INPP4B: variants seen among roughly 807,000 people sequenced by gnomAD.
INPP4B encodes inositol polyphosphate-4-phosphatase type II B.
Under a neutral mutation model 122.5 loss-of-function variants are expected in INPP4B, and 55 were observed. That is an observed-to-expected ratio of 0.45 (90% CI 0.36 to 0.56). The LOEUF (loss-of-function observed/expected upper bound fraction) is 0.56, where lower values mean the gene tolerates loss of function less well. Ranked by LOEUF, INPP4B falls within the 20% of genes least tolerant of loss-of-function variation. The pLI, the probability that INPP4B is intolerant of heterozygous loss-of-function variation, is 0.00. For missense variants in INPP4B, 1,000 were observed against 1,097.7 expected, an observed-to-expected ratio of 0.91 and a Z score of 1.26; for synonymous variants, 403 against 388.7, an observed-to-expected ratio of 1.04 and a Z score of -0.43.
At chr4:142,132,458 T>C (rs1801803627) in intron 18 of INPP4B, among the ~76,000 whole-genome samples, 1 of 152,180 alleles carries the variant, frequency 6.6e-6, no homozygotes, top group African/African-American at 2.4e-5. Flanking sequence ...ACGCAGTCAA[T>C]ATTTTTTTTT....
At chr4:142,694,471 A>C (rs953132451) in intron 2 of INPP4B, among the ~76,000 whole-genome samples, 4 of 152,152 alleles carry the variant, frequency 2.6e-5, no homozygotes, top group African/African-American at 9.6e-5. Flanking sequence ...AATAAAGCTA[A>C]TTTTAAAATT....
At chr4:142,708,425 C>T (rs1052067607) in intron 2 of INPP4B, among the ~76,000 whole-genome samples, 84 of 152,276 alleles carry the variant, frequency 5.5e-4, no homozygotes, top group African/African-American at 1.9e-3. Context: ...AAGGCAGCCT[C>T]TCCCATCACA....
At chr4:142,439,823 C>G (rs1426361151) in intron 3 of INPP4B, among the ~76,000 whole-genome samples, 1 of 152,182 alleles carries the variant, frequency 6.6e-6, no homozygotes, top group Non-Finnish European at 1.5e-5. Context: ...ACATTCCATT[C>G]TATCATCCTC....
At chr4:142,796,162 A>G (rs1304881534) in intron 1 of INPP4B, among the ~76,000 whole-genome samples, 1 of 152,004 alleles carries the variant, frequency 6.6e-6, no homozygotes, top group African/African-American at 2.4e-5. Flanking sequence ...AGGACATTTA[A>G]ACATGCTTAA....
intron 17 of INPP4B, among the ~76,000 whole-genome samples, chr4:142,150,286 G>A (rs1282189166): frequency 6.6e-6 from 1 of 152,170 alleles, no homozygotes; most frequent in Admixed American, 6.5e-5. Context: ...TAAGAATGTG[G>A]CTGCAGTATG....
At chr4:142,321,745 G>C (rs1005786684) in intron 7 of INPP4B, among the ~76,000 whole-genome samples, 5 of 152,064 alleles carry the variant, frequency 3.3e-5, no homozygotes, top group African/African-American at 9.7e-5. Context: ...TCAGTTGGCT[G>C]TAAGTATTTG....
chr4:142,658,880 A>G (rs1473720271), intron 2 of INPP4B, among the ~76,000 whole-genome samples: 1 of 152,172 alleles, frequency 6.6e-6, no homozygotes, highest in Non-Finnish European at 1.5e-5. Context: ...TTAAGAGGAC[A>G]GAAGCACCCA....
At chr4:142,118,132 C>T (rs1290971991) in intron 21 of INPP4B, among the ~76,000 whole-genome samples, 11 of 151,974 alleles carry the variant, frequency 7.2e-5, no homozygotes, top group South Asian at 2.1e-4. Context: ...CACTGCTCAA[C>T]GAAATAAAAG....
At chr4:142,373,162 G>A (rs984693928) in intron 7 of INPP4B, among the ~76,000 whole-genome samples, 10 of 152,104 alleles carry the variant, frequency 6.6e-5, no homozygotes, top group African/African-American at 1.9e-4. Context: ...TCTGATTGAA[G>A]AGCCAAGTCC....
chr4:142,238,748 T>C (rs1857776863), intron 11 of INPP4B, among the ~76,000 whole-genome samples: 1 of 152,028 alleles, frequency 6.6e-6, no homozygotes, highest in Non-Finnish European at 1.5e-5. Context: ...TTAAAAAACT[T>C]CAGAAAAAGC....
At chr4:142,162,852 C>G (rs1221052948) in intron 16 of INPP4B, among the ~76,000 whole-genome samples, 2 of 151,900 alleles carry the variant, frequency 1.3e-5, no homozygotes, top group East Asian at 3.9e-4. Flanking sequence ...GCTAATCTTT[C>G]ACTTTGTGTC....
At chr4:142,468,108 C>T (rs918772302) in intron 2 of INPP4B, 5 of 152,220 alleles carry the variant, frequency 3.3e-5, no homozygotes, top group East Asian at 1.9e-4. Flanking sequence ...TACCCAGCTC[C>T]GAGTATTTCT....
At chr4:142,537,429 T>TATATATATATATATAG (rs1200701380) in intron 2 of INPP4B, among the ~76,000 whole-genome samples, 53 of 25,478 alleles carry the variant, frequency 2.1e-3, no homozygotes, top group Non-Finnish European at 3.7e-3. Context: ...TATATATATA[T>TATATATATATATATAG]AGAGAGAGAG....
Position 142,527,109 on chromosome 4 carries a change from C to T in INPP4B, c.-190-64383G>A, listed in dbSNP as rs567853014. On this transcript the variant is annotated intron_variant, in intron 2 of 25. Transcript: ENST00000262992. ...TTTAAAATATGCCCAATATGAAATT[C>T]GACTGCATGAAAGACAAAACAGCTA... is the stretch of plus-strand genomic sequence containing the variant. Among the ~76,000 whole-genome samples, 8 of 151,778 alleles carry T rather than the reference C, an allele frequency of 5.3e-5. No homozygotes were observed. In the South Asian group the frequency reaches 1.0e-3, roughly 20 times the overall value.
intron 1 of INPP4B, among the ~76,000 whole-genome samples, chr4:142,739,216 T>C (rs994035921): frequency 2.0e-5 from 3 of 152,132 alleles, no homozygotes; most frequent in African/African-American, 7.2e-5. Flanking sequence ...TAAGTGCTTA[T>C]CACTGTTTTA....
chr4:142,826,010 C>T (rs933946119), intron 1 of INPP4B, among the ~76,000 whole-genome samples: 1 of 152,044 alleles, frequency 6.6e-6, no homozygotes, highest in East Asian at 1.9e-4. Context: ...TTTATATGCC[C>T]TGTTCTAAAC....
intron 3 of INPP4B, among the ~76,000 whole-genome samples, chr4:142,437,510 A>G (rs1810798225): frequency 6.6e-6 from 1 of 152,164 alleles, no homozygotes; most frequent in Non-Finnish European, 1.5e-5. Context: ...AGCCAAAAAG[A>G]AAGGCCAGGT....
intron 2 of INPP4B, among the ~76,000 whole-genome samples, chr4:142,529,666 A>C (rs564148185): frequency 6.6e-6 from 1 of 152,170 alleles, no homozygotes; most frequent in Non-Finnish European, 1.5e-5. Context: ...GGGGTCTTCA[A>C]CAAATATTAA....
intron 25 of INPP4B, among the ~76,000 whole-genome samples, chr4:142,044,288 C>T (rs1750036538): frequency 6.6e-6 from 1 of 152,018 alleles, no homozygotes; most frequent in Non-Finnish European, 1.5e-5. Context: ...ATACATCACA[C>T]AGACAAGGGT....
Sources: allele counts gnomAD v4.1 joint callset (sites outside exome capture counted in the v4.1 genomes callset), GRCh38; gene constraint gnomAD v4.1.1; transcripts MANE v1.5; gene names NCBI Gene and HGNC (gene_info 2026-07-23, HGNC 2026-07-21).